TBRG4: variants seen among roughly 807,000 people sequenced by gnomAD.
The protein encoded by TBRG4 is FAST kinase domain-containing protein 4.
A neutral mutation model predicts 65.6 loss-of-function variants in TBRG4; 43 were observed. That is an observed-to-expected ratio of 0.66 (90% CI 0.51 to 0.85). TBRG4 has a LOEUF of 0.85. TBRG4 is among the 40% of genes least tolerant of loss of function. The pLI is 0.00. For synonymous variants in TBRG4, 366 were observed against 341.4 expected, an observed-to-expected ratio of 1.07 and a Z score of -0.79; for missense variants, 709 against 787.9, an observed-to-expected ratio of 0.90 and a Z score of 1.20.
chr7:45,105,699 G>C lies in TBRG4; in HGVS notation c.477C>G (p.Pro159=). The C allele has an allele frequency of 6.2e-7, 1 of 1,614,026 alleles. No homozygotes were observed. Among genetic ancestry groups the C allele is most frequent in the Non-Finnish European group, 8.5e-7 (1 of 1,180,036 alleles). The change falls in exon 3 of 11, where the codon CCC becomes CCG. Residue 159 remains proline, a synonymous_variant. Coordinates refer to ENST00000258770, the MANE Select transcript of TBRG4 (RefSeq NM_004749.4). ...LLGSLYALGI[P]KASKELQSVE... is the part of the protein sequence containing the mutation. ...CCGACTGCAGCTCCTTGGAGGCCTT[G>C]GGGATGCCCAGAGCATACAGGCTTC...
intron 4 of TBRG4, 51 bp from the exon 5 acceptor site, chr7:45,104,307 C>T (rs755092855): frequency 1.9e-6 from 3 of 1,610,974 alleles, no homozygotes; most frequent in Non-Finnish European, 2.5e-6. Flanking sequence ...TCAGCAATCA[C>T]CCAGCAGCTC....
At chr7:45,103,622 C>T (rs1784841271) in intron 5 of TBRG4, 179 bp from the exon 6 acceptor site, 2 of 585,958 alleles carry the variant, frequency 3.4e-6, no homozygotes, top group South Asian at 2.2e-5. Context: ...CCAGACACTC[C>T]TTCGCCTGGC....
intron 3 of TBRG4, chr7:45,105,177 G>C (rs970465218): frequency 9.6e-6 from 6 of 622,928 alleles, no homozygotes; most frequent in Non-Finnish European, 1.7e-5. Context: ...GGGGTTTGGG[G>C]GAAAGATAAA....
rs1785055100 is a variant in TBRG4, at chr7:45,109,254, G to C, written c.-17C>G. 3.9e-6 allele frequency: 6 copies of C among 1,558,180 alleles called. No homozygotes were observed. Among genetic ancestry groups the C allele is most frequent in the Middle Eastern group, 1.8e-4 (1 of 5,684 alleles). ...AGCTGCCATGATGTCCTGGGTGGCA[G>C]AGAGACAAGACTCCTAGCAAGTGAT... On this transcript the variant is annotated 5_prime_UTR_variant, in exon 2 of 11. Coordinates refer to ENST00000258770, the MANE Select transcript of TBRG4 (RefSeq NM_004749.4).
chr7:45,101,874 G>A lies in TBRG4; in HGVS notation c.1518C>T (p.Ser506=), dbSNP rs369204270. ...LQETLKGLLG[S]ADKGSLEVAT... ...CCACCTCGAGGCTGCCCTTGTCGGC[G>A]CTCCCCAGCAGCCCCTTCAGCGTCT... Residue 506 remains serine, a synonymous_variant, in exon 8 of 11, where the codon AGC becomes AGT. Transcript: ENST00000258770. 6.8e-5 allele frequency: 110 copies of A among 1,609,700 alleles called. No individual in the cohort carries two copies. The highest frequency in any genetic ancestry group is 8.2e-5 in the Non-Finnish European group (97 of 1,179,470).
chr7:45,103,485 T>G, intron 5 of TBRG4, 42 bp from the exon 6 acceptor site: 8 of 1,280,912 alleles, frequency 6.2e-6, no homozygotes, highest in Non-Finnish European at 8.6e-6. Context: ...ATAAGCTCTC[T>G]GCCCAGCACG....
Position 45,104,156 on chromosome 7 carries a change from G to A in TBRG4, c.1008C>T (p.Ala336=), listed in dbSNP as rs757031740. Residue 336 remains alanine, a synonymous_variant, in exon 5 of 11, where the codon GCC becomes GCT. Coordinates refer to ENST00000258770, the MANE Select transcript of TBRG4 (RefSeq NM_004749.4). ...GCCACTTGAGTAAGGCGAAGGACTT[G>A]GCACAGTGGGCCACCTCACCAGAAG... The part of the protein sequence containing the change: ...SLTSGEVAHC[A]KSFALLKWLS... 1.9e-6 allele frequency: 3 copies of A among 1,613,840 alleles called. No individual in the cohort carries two copies. Among genetic ancestry groups the A allele is most frequent in the Non-Finnish European group, 2.5e-6 (3 of 1,180,014 alleles).
At chr7:45,101,147 C>T in intron 10 of TBRG4, 111 bp downstream of exon 10, 1 of 1,051,694 alleles carries the variant, frequency 9.5e-7, no homozygotes, top group Non-Finnish European at 1.4e-6. Flanking sequence ...GGCCCGGGGC[C>T]ACGGGCAGGG....
At chr7:45,103,224 T>TG in intron 6 of TBRG4, 109 bp downstream of exon 6, 1 of 843,978 alleles carries the variant, frequency 1.2e-6, no homozygotes. Flanking sequence ...CCACACATAG[T>TG]GGCCCCTCCC....
At chr7:45,101,713 C>T (rs759217832) in intron 8 of TBRG4, 99 bp from the exon 9 acceptor site, 1 of 1,595,006 alleles carries the variant, frequency 6.3e-7, no homozygotes, top group Non-Finnish European at 8.5e-7. Context: ...GGAGCCCAGG[C>T]TGACACCCTG....
intron 1 of TBRG4, 142 bp downstream of exon 1, chr7:45,111,501 A>T: frequency 9.8e-7 from 1 of 1,024,506 alleles, no homozygotes; most frequent in South Asian, 1.4e-5. Flanking sequence ...CGGAACGAGC[A>T]GACGGCCAGG....
rs139998326 is a variant in TBRG4 at position 45,109,063 on chromosome 7, C to T, written c.175G>A (p.Glu59Lys). The change falls in exon 2 of 11, where the codon GAG becomes AAG. Residue 59 changes from glutamate (E) to lysine (K), a missense_variant. By Grantham distance (56) the Glu-to-Lys change is moderately conservative. Transcript: ENST00000258770. ...TAGGGAGTAGATGCTCGTTCCTTCTCCACCGGCTCCATCAAGGAACCTGGG... is the reference window on the plus strand; with the variant it reads ...TAGGGAGTAGATGCTCGTTCCTTCTTCACCGGCTCCATCAAGGAACCTGGG... ...HLPGSLMEPVEKERASTPYIE... is the reference protein window; with the variant it reads ...HLPGSLMEPVKKERASTPYIE... 4 of 1,613,892 alleles carry T rather than the reference C, an allele frequency of 2.5e-6. No individual in the cohort carries two copies. Among genetic ancestry groups the T allele is most frequent in the African/African-American group, 1.3e-5 (1 of 74,936 alleles).
chr7:45,102,349 A>C lies in TBRG4; in HGVS notation c.1319T>G (p.Leu440Arg). 6.2e-7 allele frequency: 1 copy of C among 1,614,096 alleles called. No homozygotes were observed. Among genetic ancestry groups the C allele is most frequent in the African/African-American group, 1.3e-5 (1 of 75,050 alleles). ...VLHPEFHIQF[L>R]GGKSQKDQNT... ...AGTACTAGGGGCAGGGGGCTCACCT[A>C]GAAATTGGATGTGAAATTCAGGGTG... is the stretch of plus-strand genomic sequence containing the variant. The change falls in exon 7 of 11, where the codon CTA (leucine) becomes CGA (arginine). Residue 440 changes from leucine to arginine, a missense_variant and splice_region_variant. Physicochemically the swap from Leu to Arg is moderately radical, Grantham distance 102. Transcript: ENST00000258770.
chr7:45,100,242 T>G lies in TBRG4; in HGVS notation c.*83A>C. 1.7e-6 allele frequency: 2 copies of G among 1,165,876 alleles called. No individual in the cohort carries two copies. Among genetic ancestry groups the G allele is most frequent in the Non-Finnish European group, 1.2e-6 (1 of 816,482 alleles). 72.2% of individuals were successfully genotyped at this position (1,165,876 alleles called of 1,614,324 possible). A position where few individuals can be genotyped will look rare whatever the true frequency, so the allele number is the denominator to read the frequency against. ...CTCTGGCCAAGGTCCTGCACAGAGGTTTGTCCTCAAGGGTGACCCTTCTTG... is the reference window on the plus strand; with the variant it reads ...CTCTGGCCAAGGTCCTGCACAGAGGGTTGTCCTCAAGGGTGACCCTTCTTG... On this transcript the variant is annotated 3_prime_UTR_variant, in exon 11 of 11. Coordinates refer to ENST00000258770, the MANE Select transcript of TBRG4 (RefSeq NM_004749.4).
intron 1 of TBRG4, 132 bp from the exon 2 acceptor site, chr7:45,109,419 G>T: frequency 1.4e-6 from 1 of 722,528 alleles, no homozygotes. Context: ...CCATAGGTAT[G>T]TGATAGTATT....
At chr7:45,103,791 C>T (rs1784846034) in intron 5 of TBRG4, 1 of 520,178 alleles carries the variant, frequency 1.9e-6, no homozygotes, top group East Asian at 3.3e-5. Context: ...CGAGGGGGAT[C>T]AGTGATTCAG....
chr7:45,100,471 C>T (rs763103259), intron 10 of TBRG4, 45 bp from the exon 11 acceptor site: 1 of 1,523,160 alleles, frequency 6.6e-7, no homozygotes, highest in Non-Finnish European at 9.1e-7. Context: ...AAGGAGATCC[C>T]TTCCAGCCAG....
Position 45,103,428 on chromosome 7 carries a change from C to T in TBRG4, c.1081G>A (p.Ala361Thr). Residue 361 changes from alanine to threonine, a missense_variant, in exon 6 of 11, where the codon GCG (alanine) becomes ACG (threonine). Coordinates refer to ENST00000258770, the MANE Select transcript of TBRG4 (RefSeq NM_004749.4). ...EAFAQHVLNR[A>T]QDITLPHLCS... ...AGGTGGGGCAGGGTGATGTCCTGCG[C>T]TCTGTTCAGGACGTGCTGGGTGGGT... 6.2e-7 allele frequency: 1 copy of T among 1,613,584 alleles called. No homozygotes were observed. Among genetic ancestry groups the T allele is most frequent in the Non-Finnish European group, 8.5e-7 (1 of 1,179,740 alleles).
chr7:45,109,312 G>T, intron 1 of TBRG4, 25 bp from the exon 2 acceptor site: 1 of 1,498,774 alleles, frequency 6.7e-7, no homozygotes, highest in Non-Finnish European at 8.9e-7. Context: ...GAGAGAGAAG[G>T]GGCTACTACA....
Sources: allele counts gnomAD v4.1 joint callset, GRCh38; gene constraint gnomAD v4.1.1; transcripts MANE v1.5; gene names NCBI Gene and HGNC (gene_info 2026-07-23, HGNC 2026-07-21).